Variants in TRERF1 observed in about 807,000 individuals in gnomAD.
The protein encoded by TRERF1 is transcriptional regulating factor 1.
Under a neutral mutation model 122.9 loss-of-function variants are expected in TRERF1, and 27 were observed. The ratio of observed to expected loss-of-function variants is 0.22; its 90% CI spans 0.16 to 0.30. TRERF1 has a LOEUF of 0.30. TRERF1 is among the 10% of genes least tolerant of loss of function. TRERF1 has a pLI of 1.00. For missense variants in TRERF1, 1,248 were observed against 1,560.3 expected (o/e 0.80, Z 3.37); for synonymous variants, 636 against 641.7 (o/e 0.99, Z 0.13).
At chr6:42,368,362 C>A (rs924956774) in intron 2 of TRERF1, among the ~76,000 whole-genome samples, 1 of 152,148 alleles carries the variant, frequency 6.6e-6, no homozygotes, top group Admixed American at 6.5e-5. Context: ...TCGGCGCCCC[C>A]ACACAGCACC....
chr6:42,305,635 C>A (rs1787071861), intron 3 of TRERF1, among the ~76,000 whole-genome samples: 1 of 152,086 alleles, frequency 6.6e-6, no homozygotes, highest in African/African-American at 2.4e-5. Context: ...AAGGGAGGGA[C>A]ACAGGATATA....
At chr6:42,381,419 C>T (rs1467549334) in intron 2 of TRERF1, among the ~76,000 whole-genome samples, 1 of 151,754 alleles carries the variant, frequency 6.6e-6, no homozygotes. Context: ...TAGCCATTAA[C>T]CTATCTGAAT....
chr6:42,372,992 T>C (rs182068587), intron 2 of TRERF1, among the ~76,000 whole-genome samples: 1 of 152,194 alleles, frequency 6.6e-6, no homozygotes, highest in Non-Finnish European at 1.5e-5. Flanking sequence ...CTCTCTCAGC[T>C]CCACATTTTT....
intron 2 of TRERF1, among the ~76,000 whole-genome samples, chr6:42,415,241 G>T (rs1284163293): frequency 6.6e-6 from 1 of 152,012 alleles, no homozygotes; most frequent in Non-Finnish European, 1.5e-5. Flanking sequence ...TTCAATTAAT[G>T]ACCCTTTTTA....
rs765619981 is a variant in TRERF1, at chr6:42,263,592, A to G, written c.1636-24T>C. On this transcript the variant is annotated intron_variant, in intron 7 of 17. Coordinates refer to ENST00000372922, the Ensembl canonical transcript of TRERF1. The surrounding 1 kb of genome is among the most constrained non-coding windows in gnomAD (Gnocchi z 5.6). ...TCCTACACAGACAATAAAGGCTTTG[A>G]TCCTGGGCTGAGAGCAGCTCTCACA... The G allele has an allele frequency of 6.8e-6, 10 of 1,478,090 alleles. No homozygotes were observed. Among genetic ancestry groups the G allele is most frequent in the Non-Finnish European group, 9.0e-6 (10 of 1,111,424 alleles). The allele number at this position is 1,478,090 out of a possible 1,614,324, so 91.6% of individuals were successfully genotyped here.
chr6:42,450,583 G>A (rs1231911756), intron 2 of TRERF1, among the ~76,000 whole-genome samples: 1 of 152,252 alleles, frequency 6.6e-6, no homozygotes, highest in Non-Finnish European at 1.5e-5. Flanking sequence ...CTCCAGTCCA[G>A]TGCTGGCCAG....
At chr6:42,377,448 C>T (rs930397111) in intron 2 of TRERF1, among the ~76,000 whole-genome samples, 4 of 152,206 alleles carry the variant, frequency 2.6e-5, no homozygotes, top group Non-Finnish European at 5.9e-5. Flanking sequence ...GCTTCTTTCA[C>T]TCAGCATAAT....
intron 2 of TRERF1, among the ~76,000 whole-genome samples, chr6:42,386,491 C>T (rs1776840960): frequency 6.6e-6 from 1 of 152,030 alleles, no homozygotes; most frequent in African/African-American, 2.4e-5. Context: ...CTAAAGAGGA[C>T]CAAAGACTCC....
chr6:42,243,282 C>T (rs778751591), exon 15 of TRERF1: 34 of 1,614,010 alleles, frequency 2.1e-5, no homozygotes, highest in Admixed American at 6.7e-5. Flanking sequence ...CAGGCGTGTC[C>T]GGTGTTTCCG....
At chr6:42,255,820 T>C (rs1776645865) in intron 12 of TRERF1, among the ~76,000 whole-genome samples, 2 of 152,072 alleles carry the variant, frequency 1.3e-5, no homozygotes, top group Admixed American at 6.6e-5. Context: ...GGTTAGTGAT[T>C]GAGTGATCTG....
chr6:42,261,991 G>T lies in TRERF1; in HGVS notation c.1884+1329C>A, dbSNP rs140050467. Among the ~76,000 whole-genome samples, 514 of 152,000 alleles carry T rather than the reference G, an allele frequency of 3.4e-3. 3 individuals are homozygous for T. The highest frequency in any genetic ancestry group is 0.012 in the African/African-American group (487 of 41,424). On this transcript the variant is annotated intron_variant, in intron 8 of 17. Coordinates refer to ENST00000372922, the Ensembl canonical transcript of TRERF1. The stretch of plus-strand genomic sequence containing the variant: ...CTTACCATCTTGAAGGGGTGGGGGG[G>T]GTGTGCCTGGGACTCTGACCCCCAT...
At chr6:42,229,835 G>A (rs1770153819) in intron 17 of TRERF1, among the ~76,000 whole-genome samples, 1 of 152,194 alleles carries the variant, frequency 6.6e-6, no homozygotes, top group African/African-American at 2.4e-5. Flanking sequence ...TGCAAACTAT[G>A]GTCAGTGGGC....
chr6:42,391,162 A>G (rs1777672649), intron 2 of TRERF1, among the ~76,000 whole-genome samples: 1 of 152,246 alleles, frequency 6.6e-6, no homozygotes, highest in Non-Finnish European at 1.5e-5. Context: ...CCCATCTCCC[A>G]GAACAGGGCT....
chr6:42,327,005 C>G (rs2150525025), intron 3 of TRERF1, among the ~76,000 whole-genome samples: 1 of 152,120 alleles, frequency 6.6e-6, no homozygotes, highest in Admixed American at 6.5e-5. Flanking sequence ...AGCAGCAGGC[C>G]AAAAAATGAT....
intron 3 of TRERF1, among the ~76,000 whole-genome samples, chr6:42,336,234 T>A (rs1766146770): frequency 6.6e-6 from 1 of 152,122 alleles, no homozygotes; most frequent in African/African-American, 2.4e-5. Flanking sequence ...GAAGAACACA[T>A]GAGAGGGAAG....
chr6:42,432,594 C>T (rs1176680528), intron 2 of TRERF1, among the ~76,000 whole-genome samples: 1 of 152,188 alleles, frequency 6.6e-6, no homozygotes. Context: ...GTAATCCCAG[C>T]ACTCTGGGAG....
Position 42,228,304 on chromosome 6 carries a change from A to T in TRERF1, c.*41T>A. 6.6e-7 allele frequency: 1 copy of T among 1,519,988 alleles called. No homozygotes were observed. Among genetic ancestry groups the T allele is most frequent in the Non-Finnish European group, 8.9e-7 (1 of 1,129,756 alleles). 94.2% of individuals were successfully genotyped at this position (1,519,988 alleles called of 1,614,324 possible). On this transcript the variant is annotated 3_prime_UTR_variant, in exon 18 of 18. Transcript: ENST00000372922. This position sits in a 1 kb window ranked among gnomAD's most constrained non-coding sequence, Gnocchi z 4.2. ...CAGGTTTCCTGATTAATGAAGATGG[A>T]GGCCGTGGGTTTTCACTGTCTCTAA...
At chr6:42,231,878 G>A (rs564201735) in intron 17 of TRERF1, among the ~76,000 whole-genome samples, 1 of 152,238 alleles carries the variant, frequency 6.6e-6, no homozygotes, top group South Asian at 2.1e-4. Context: ...TGTGATTTAG[G>A]TCAAGTCATT....
intron 2 of TRERF1, among the ~76,000 whole-genome samples, chr6:42,378,238 CTGA>C (rs1233957373): frequency 6.6e-6 from 1 of 152,092 alleles, no homozygotes; most frequent in Non-Finnish European, 1.5e-5. Flanking sequence ...GAACACTTGG[CTGA>C]TAAGGCCTCC....
Sources: allele counts gnomAD v4.1 joint callset (sites outside exome capture counted in the v4.1 genomes callset), GRCh38; gene constraint gnomAD v4.1.1; non-coding constraint Gnocchi (gnomAD v3.1); transcripts MANE v1.5; gene names NCBI Gene and HGNC (gene_info 2026-07-23, HGNC 2026-07-21).